The following PIBF1 variants were observed in gnomAD, a reference collection of about 807,000 sequenced individuals.
The protein encoded by PIBF1 is progesterone immunomodulatory binding factor 1.
A neutral mutation model predicts 112.5 loss-of-function variants in PIBF1; 90 were observed. That is an observed-to-expected ratio of 0.80 (90% CI 0.67 to 0.95). PIBF1 has a LOEUF of 0.95. PIBF1 is among the 40% of genes least tolerant of loss of function. The pLI is 0.00. For missense variants in PIBF1, 915 were observed against 852.3 expected, an observed-to-expected ratio of 1.07 and a Z score of -0.92; for synonymous variants, 301 against 288.6, an observed-to-expected ratio of 1.04 and a Z score of -0.44.
Position 72,786,262 on chromosome 13 carries a change from T to C in PIBF1, c.252+2541T>C, listed in dbSNP as rs143380125. Among the ~76,000 whole-genome samples, 81 of 152,304 alleles carry C rather than the reference T, an allele frequency of 5.3e-4. 1 individual carries two copies. The East Asian group carries it at 0.014, about 26-fold the overall frequency. On this transcript the variant is annotated intron_variant, in intron 2 of 17. Transcript: ENST00000326291. ...TGTGGTTTTCTAGTTTGACTGAAAA[T>C]GTAGAAGATTGCAATAGTCGTGTTC...
At chr13:72,962,906 A>G (rs1027529765) in intron 14 of PIBF1, among the ~76,000 whole-genome samples, 1 of 152,188 alleles carries the variant, frequency 6.6e-6, no homozygotes, top group African/African-American at 2.4e-5. Flanking sequence ...AGTCAGCAAA[A>G]CAGTGTGCAA....
chr13:72,890,637 T>G (rs2040020966), intron 10 of PIBF1, among the ~76,000 whole-genome samples: 1 of 152,140 alleles, frequency 6.6e-6, no homozygotes, highest in East Asian at 1.9e-4. Flanking sequence ...GCTAATAAAT[T>G]AGAATATCAA....
chr13:72,908,401 CTTAA>C, intron 11 of PIBF1, 126 bp from the exon 12 acceptor site: 1 of 428,510 alleles, frequency 2.3e-6, no homozygotes. Context: ...CATTAGTCAT[CTTAA>C]TTGAGCTACT....
intron 11 of PIBF1, among the ~76,000 whole-genome samples, chr13:72,895,428 T>G (rs1424483393): frequency 1.3e-5 from 2 of 151,264 alleles, no homozygotes; most frequent in Non-Finnish European, 2.9e-5. Context: ...AGATATTTTA[T>G]CAAGAGGACA....
chr13:72,878,717 G>A (rs114810796), intron 10 of PIBF1, among the ~76,000 whole-genome samples: 3,432 of 152,166 alleles, frequency 0.023, 82 homozygotes, highest in African/African-American at 0.054. Flanking sequence ...TCTAATACTA[G>A]CGTGTTGAAG....
chr13:72,798,127 T>C lies in PIBF1; in HGVS notation c.672+101T>C, dbSNP rs2035286891. On this transcript the variant is annotated intron_variant, in intron 5 of 17. Coordinates refer to ENST00000326291, the MANE Select transcript of PIBF1 (RefSeq NM_006346.4). ...CATATAAAAGTCAGTGATTGAAAAA[T>C]GGGACTATGGGATGGTGACTGCTAC... The C allele has an allele frequency of 1.2e-5, 15 of 1,214,600 alleles. No individual in the cohort carries two copies. In the South Asian group the frequency reaches 2.7e-4, roughly 22 times the overall value. 75.2% of individuals were successfully genotyped at this position (1,214,600 alleles called of 1,614,324 possible).
At position 72,987,870 on chromosome 13, in the gene PIBF1, T is replaced by A. The variant is rs1381271069; in HGVS notation, c.2050-10952T>A. Among the ~76,000 whole-genome samples the A allele has an allele frequency of 8.2e-3, 933 of 113,396 alleles. 18 individuals carry two copies. The highest frequency in any genetic ancestry group is 0.03 in the African/African-American group (867 of 28,466). The allele number at this position is 113,396 out of a possible 152,430, so 74.4% of individuals were successfully genotyped here. A position where few individuals can be genotyped will look rare whatever the true frequency, so the allele number is the denominator to read the frequency against. On this transcript the variant is annotated intron_variant, in intron 16 of 17. Coordinates refer to ENST00000326291, the MANE Select transcript of PIBF1 (RefSeq NM_006346.4). The stretch of plus-strand genomic sequence containing the variant: ...TATTTATTTATTTATTTTTTTTTTT[T>A]TTTTTTTTTTTGAGGCAGAGTCTCG...
Position 72,979,509 on chromosome 13 carries a change from G to C in PIBF1, c.2049+5834G>C, listed in dbSNP as rs1480991060. 2.8e-4 allele frequency among the ~76,000 whole-genome samples: 43 copies of C among 152,170 alleles called. 1 individual carries two copies. Among genetic ancestry groups the C allele is most frequent in the Non-Finnish European group, 1.5e-5 (1 of 68,022 alleles). On this transcript the variant is annotated intron_variant, in intron 16 of 17. Coordinates refer to ENST00000326291, the MANE Select transcript of PIBF1 (RefSeq NM_006346.4). ...CTCATGGCTCTTGGAGCTGTAGAAG[G>C]GCAGTGGGAAGAACACCTCTTAGGA...
intron 2 of PIBF1, among the ~76,000 whole-genome samples, chr13:72,786,214 A>G (rs914999936): frequency 2.0e-5 from 3 of 152,086 alleles, no homozygotes; most frequent in Admixed American, 6.6e-5. Context: ...TTCTACTTCC[A>G]TGGTGCTTAG....
chr13:72,903,556 G>C (rs918960438), intron 11 of PIBF1, among the ~76,000 whole-genome samples: 1 of 152,128 alleles, frequency 6.6e-6, no homozygotes, highest in African/African-American at 2.4e-5. Flanking sequence ...TTTAGCACTT[G>C]AAATATGGCT....
chr13:72,968,849 G>A (rs1594289692), intron 15 of PIBF1, among the ~76,000 whole-genome samples: 1 of 151,838 alleles, frequency 6.6e-6, no homozygotes, highest in Non-Finnish European at 1.5e-5. Context: ...GGACAACATG[G>A]CAAAACCATG....
At chr13:72,844,239 AGT>A (rs2037734310) in intron 9 of PIBF1, among the ~76,000 whole-genome samples, 1 of 152,236 alleles carries the variant, frequency 6.6e-6, no homozygotes, top group South Asian at 2.1e-4. Context: ...TCTGCAATGC[AGT>A]GCACACTCCC....
chr13:73,016,101 A>T lies in PIBF1; in HGVS notation c.*182A>T, dbSNP rs2044374469. The stretch of plus-strand genomic sequence containing the variant: ...GTGTAAAGAACAATCAATATACTTT[A>T]TTTTTTTTTCTATTTTATAAAATAA... On this transcript the variant is annotated 3_prime_UTR_variant, in exon 18 of 18. Coordinates refer to ENST00000326291, the MANE Select transcript of PIBF1 (RefSeq NM_006346.4). The T allele has an allele frequency of 7.4e-6, 2 of 271,604 alleles. No individual in the cohort carries two copies. Among genetic ancestry groups the T allele is most frequent in the South Asian group, 3.3e-4 (2 of 6,114 alleles). 16.8% of individuals were successfully genotyped at this position (271,604 alleles called of 1,614,324 possible).
chr13:72,824,040 G>A (rs1286672779), intron 6 of PIBF1, among the ~76,000 whole-genome samples: 1 of 152,158 alleles, frequency 6.6e-6, no homozygotes. Flanking sequence ...TTGAGACAGA[G>A]TCTCACTTTG....
At chr13:72,977,598 T>G (rs1269159354) in intron 16 of PIBF1, among the ~76,000 whole-genome samples, 1 of 151,894 alleles carries the variant, frequency 6.6e-6, no homozygotes, top group Non-Finnish European at 1.5e-5. Context: ...TTCATTTACA[T>G]AATTCCAAAA....
intron 5 of PIBF1, among the ~76,000 whole-genome samples, chr13:72,820,446 A>C (rs188623667): frequency 6.6e-6 from 1 of 152,268 alleles, no homozygotes; most frequent in East Asian, 1.9e-4. Flanking sequence ...CATAATAAGT[A>C]CCATAGTAAC....
At chr13:72,998,767 A>G in intron 16 of PIBF1, 55 bp from the exon 17 acceptor site, 2 of 1,160,374 alleles carry the variant, frequency 1.7e-6, no homozygotes, top group Non-Finnish European at 2.5e-6. Context: ...AATCATTATT[A>G]GTCTGCTTGC....
intron 16 of PIBF1, among the ~76,000 whole-genome samples, chr13:72,994,507 TCA>T (rs2043584952): frequency 6.6e-6 from 1 of 152,206 alleles, no homozygotes; most frequent in Admixed American, 6.5e-5. Flanking sequence ...TCTTTGAGCA[TCA>T]CAGTTTCCTT....
intron 14 of PIBF1, among the ~76,000 whole-genome samples, chr13:72,934,000 A>G (rs1018548409): frequency 5.3e-5 from 8 of 152,316 alleles, no homozygotes; most frequent in African/African-American, 9.6e-5. Flanking sequence ...ACTTTTGTGT[A>G]TGTTTGAAAA....
Sources: gnomAD v4.1 joint callset for allele counts (sites outside exome capture counted in the v4.1 genomes callset) on GRCh38, gnomAD v4.1.1 for gene constraint, MANE v1.5 for transcripts, NCBI Gene and HGNC (gene_info 2026-07-23, HGNC 2026-07-21) for gene names.